SAG: variants seen among roughly 807,000 people sequenced by gnomAD.
The protein encoded by SAG is S-arrestin.
A neutral mutation model predicts 55.0 loss-of-function variants in SAG; 45 were observed. The ratio of observed to expected loss-of-function variants is 0.82; its 90% CI spans 0.64 to 1.05. The LOEUF (loss-of-function observed/expected upper bound fraction) is 1.05. Among genes scored for constraint, SAG ranks in the 50% least tolerant of loss-of-function variants. The probability of loss-of-function intolerance (pLI) is 0.00; values close to 1 mark genes in which losing one functional copy is unlikely to be tolerated. For synonymous variants in SAG, 189 were observed against 197.4 expected (o/e 0.96, Z 0.36); for missense variants, 455 against 512.1 (o/e 0.89, Z 1.08).
At chr2:233,328,295 C>A in intron 7 of SAG, 183 bp from the exon 8 acceptor site, 2 of 607,230 alleles carry the variant, frequency 3.3e-6, no homozygotes, top group Non-Finnish European at 5.5e-6. Flanking sequence ...CCCAGACCCC[C>A]AGGCTCTTCC....
chr2:233,332,388 A>G (rs894514705), intron 10 of SAG: 1 of 152,578 alleles, frequency 6.6e-6, no homozygotes, highest in African/African-American at 2.4e-5. Flanking sequence ...CCTTGCTGGC[A>G]TGTTCTAAGC....
chr2:233,321,362 G>T (rs1418083827), intron 5 of SAG, among the ~76,000 whole-genome samples: 1 of 152,156 alleles, frequency 6.6e-6, no homozygotes, highest in Non-Finnish European at 1.5e-5. Context: ...GCTACCATCT[G>T]CTTTACGAGC....
At position 233,320,750 on chromosome 2, in the gene SAG, C is replaced by T. The variant is rs376397466; in HGVS notation, c.302C>T (p.Ala101Val). The change falls in exon 5 of 16, where the codon GCG (alanine) becomes GTG (valine). Residue 101 changes from alanine to valine, a missense_variant. By Grantham distance (64) the Ala-to-Val change is moderately conservative. Transcript: ENST00000409110. ...CAGGTGTATCCTCCTGTGGGGGCCG[C>T]GAGCACCCCCACAAAACTGCAAGAG... ...RVQVYPPVGA[A>V]STPTKLQESL... 1.5e-5 allele frequency: 24 copies of T among 1,606,210 alleles called. No individual in the cohort carries two copies. Among genetic ancestry groups the T allele is most frequent in the South Asian group, 3.4e-5 (3 of 89,530 alleles).
In SAG at chr2:233,342,308, CCTCAGCCT is replaced by C; in HGVS notation, c.1085_1092del (p.Pro362ArgfsTer5). On this transcript the variant is annotated frameshift_variant, in exon 14 of 16. Transcript: ENST00000409110. LOFTEE classifies it high-confidence loss of function. ...TGAGGTCCCATTCCGCCTCATGCAC[CCTCAGCCT>C]GAGGACCCAGGTCAGTTATGTCCTT... 1 of 1,608,562 alleles carries C rather than the reference CCTCAGCCT, an allele frequency of 6.2e-7. No individual in the cohort carries two copies. The highest frequency in any genetic ancestry group is 8.5e-7 in the Non-Finnish European group (1 of 1,177,150).
chr2:233,328,712 C>T, intron 8 of SAG, 99 bp downstream of exon 8: 1 of 1,306,148 alleles, frequency 7.7e-7, no homozygotes, highest in Admixed American at 2.4e-5. Flanking sequence ...TACATGGGTG[C>T]CTTGCAAGGA....
intron 14 of SAG, chr2:233,343,715 G>C: frequency 8.2e-7 from 1 of 1,213,320 alleles, no homozygotes; most frequent in Non-Finnish European, 1.0e-6. Flanking sequence ...TAGTTGACGG[G>C]AAAGAAAAAC....
chr2:233,327,393 TTAGCAA>T lies in SAG; in HGVS notation c.512+197_512+202del, dbSNP rs763137275. On this transcript the variant is annotated intron_variant, in intron 7 of 15. Coordinates refer to ENST00000409110, the MANE Select transcript of SAG (RefSeq NM_000541.5). ...AGAAAACAAGAAAATGACAGGGAAG[TTAGCAA>T]CCTCCAGGGCTCACGTAAGCCCCGA... is the stretch of plus-strand genomic sequence containing the variant. 235 of 507,964 alleles carry T rather than the reference TTAGCAA, an allele frequency of 4.6e-4. 1 individual carries two copies. The highest frequency in any genetic ancestry group is 1.6e-3 in the Middle Eastern group (3 of 1,868). The allele number at this position is 507,964 out of a possible 1,614,324, so 31.5% of individuals were successfully genotyped here. A position where few individuals can be genotyped will look rare whatever the true frequency, so the allele number is the denominator to read the frequency against.
chr2:233,327,255 C>A, intron 7 of SAG, 58 bp downstream of exon 7: 1 of 1,369,110 alleles, frequency 7.3e-7, no homozygotes, highest in Non-Finnish European at 1.0e-6. Flanking sequence ...AGAGAAGAGA[C>A]GACCTCCACC....
intron 5 of SAG, 82 bp from the exon 6 acceptor site, chr2:233,322,864 T>A: frequency 1.2e-6 from 1 of 852,732 alleles, no homozygotes; most frequent in South Asian, 1.6e-5. Flanking sequence ...ATCTTTATTT[T>A]CTAATTTTTA....
intron 3 of SAG, among the ~76,000 whole-genome samples, chr2:233,317,785 C>T (rs1226006229): frequency 4.0e-5 from 6 of 151,836 alleles, no homozygotes; most frequent in Non-Finnish European, 5.9e-5. Flanking sequence ...ATGATTAGCA[C>T]GTTTTCTCTA....
chr2:233,330,128 A>G (rs1319358831), intron 9 of SAG, among the ~76,000 whole-genome samples: 1 of 152,184 alleles, frequency 6.6e-6, no homozygotes, highest in Non-Finnish European at 1.5e-5. Flanking sequence ...CACATTAACT[A>G]AGCTCAAAAA....
intron 9 of SAG, among the ~76,000 whole-genome samples, chr2:233,330,885 T>G (rs549075378): frequency 6.6e-6 from 1 of 152,232 alleles, no homozygotes; most frequent in African/African-American, 2.4e-5. Context: ...GGCTGGGCAC[T>G]GTACTGCATG....
At chr2:233,308,595 T>C (rs1699999971) in intron 1 of SAG, among the ~76,000 whole-genome samples, 1 of 151,662 alleles carries the variant, frequency 6.6e-6, no homozygotes, top group African/African-American at 2.4e-5. Context: ...TAATATATTC[T>C]TTTTTTTTAA....
chr2:233,321,279 A>G (rs1000724491), intron 5 of SAG, among the ~76,000 whole-genome samples: 11 of 152,184 alleles, frequency 7.2e-5, no homozygotes, highest in Non-Finnish European at 1.6e-4. Context: ...TCTGTCATCC[A>G]TTGAGACCTG....
At chr2:233,312,025 C>T (rs1434857246) in intron 2 of SAG, among the ~76,000 whole-genome samples, 2 of 152,140 alleles carry the variant, frequency 1.3e-5, no homozygotes, top group East Asian at 3.9e-4. Flanking sequence ...ACTCGGGAGG[C>T]TGAGGCAGGA....
chr2:233,334,869 T>G (rs1700871959), intron 10 of SAG, 93 bp from the exon 11 acceptor site: 2 of 1,482,128 alleles, frequency 1.3e-6, no homozygotes, highest in Non-Finnish European at 9.3e-7. Flanking sequence ...TCAGGGGATG[T>G]GGATCCTGGA....
At position 233,319,086 on chromosome 2, in the gene SAG, C is replaced by T. The variant is rs1038622371; in HGVS notation, c.181+291C>T. The T allele has an allele frequency of 1.9e-5, 11 of 593,382 alleles. No individual in the cohort carries two copies. The highest frequency in any genetic ancestry group is 3.6e-5 in the Non-Finnish European group (11 of 308,528). 36.8% of individuals were successfully genotyped at this position (593,382 alleles called of 1,614,324 possible). ...GTGGCCCCCATTCCTGTTTGCTCGC[C>T]CCTGTTTCATGTACTTCTGTGCTAG... On this transcript the variant is annotated intron_variant, in intron 4 of 15. Coordinates refer to ENST00000409110, the MANE Select transcript of SAG (RefSeq NM_000541.5). The surrounding 1 kb of genome is among the most constrained non-coding windows in gnomAD (Gnocchi z 4.4).
At position 233,346,961 on chromosome 2, in the gene SAG, C is replaced by T. The variant is rs989539823; in HGVS notation, c.*49C>T. The T allele has an allele frequency of 2.7e-5, 28 of 1,029,832 alleles. No individual in the cohort carries two copies. Among genetic ancestry groups the T allele is most frequent in the Admixed American group, 5.9e-5 (3 of 50,930 alleles). The allele number at this position is 1,029,832 out of a possible 1,614,324, so 63.8% of individuals were successfully genotyped here. On this transcript the variant is annotated 3_prime_UTR_variant, in exon 16 of 16. Coordinates refer to ENST00000409110, the MANE Select transcript of SAG (RefSeq NM_000541.5). ...AAATGACCTGTAGTTACCAGTGCAA[C>T]GAGCAAAGCCCCACAGTTTAGTCCT...
rs1395558034 is a variant in SAG, at chr2:233,319,060, T to G, written c.181+265T>G. 1 of 655,774 alleles carries G rather than the reference T, an allele frequency of 1.5e-6. No homozygotes were observed. The highest frequency in any genetic ancestry group is 2.1e-5 in the Admixed American group (1 of 48,016). The allele number at this position is 655,774 out of a possible 1,614,324, so 40.6% of individuals were successfully genotyped here. A position where few individuals can be genotyped will look rare whatever the true frequency, so the allele number is the denominator to read the frequency against. ...GTAGATGGTAGACGGAGCCCAGGTC[T>G]GTGGCCCCCATTCCTGTTTGCTCGC... On this transcript the variant is annotated intron_variant, in intron 4 of 15. Transcript: ENST00000409110. The surrounding 1 kb of genome is among the most constrained non-coding windows in gnomAD (Gnocchi z 4.4).
Sources: allele counts gnomAD v4.1 joint callset (sites outside exome capture counted in the v4.1 genomes callset), GRCh38; gene constraint gnomAD v4.1.1; non-coding constraint Gnocchi (gnomAD v3.1); transcripts MANE v1.5; gene names NCBI Gene and HGNC (gene_info 2026-07-23, HGNC 2026-07-21).